Variants in SEMA6D observed in about 807,000 individuals in gnomAD.
SEMA6D encodes semaphorin-6D.
Under a neutral mutation model 106.6 loss-of-function variants are expected in SEMA6D, and 35 were observed. The observed-to-expected ratio is 0.33, with a 90% confidence interval of 0.25 to 0.44. The LOEUF is 0.44. Among genes scored for constraint, SEMA6D ranks in the 20% least tolerant of loss-of-function variants. The probability of loss-of-function intolerance (pLI) is 1.00; values close to 1 mark genes in which losing one functional copy is unlikely to be tolerated. For missense variants in SEMA6D, 1,185 were observed against 1,345.9 expected, an observed-to-expected ratio of 0.88 and a Z score of 1.87; for synonymous variants, 499 against 487.7, an observed-to-expected ratio of 1.02 and a Z score of -0.31.
intron 4 of SEMA6D, among the ~76,000 whole-genome samples, chr15:47,699,737 A>T (rs574536249): frequency 6.6e-6 from 1 of 152,246 alleles, no homozygotes; most frequent in Non-Finnish European, 1.5e-5. Flanking sequence ...CACTTTCCCC[A>T]TGAAGACCAA....
At chr15:47,662,974 G>T (rs1235514743) in intron 4 of SEMA6D, among the ~76,000 whole-genome samples, 12 of 152,200 alleles carry the variant, frequency 7.9e-5, no homozygotes, top group Admixed American at 3.3e-4. Flanking sequence ...TAGCCAGGAG[G>T]AAATAGGCTA....
chr15:47,458,596 C>T (rs1407408928), intron 2 of SEMA6D, among the ~76,000 whole-genome samples: 1 of 151,900 alleles, frequency 6.6e-6, no homozygotes, highest in African/African-American at 2.4e-5. Context: ...TGAAATAACA[C>T]ACTTCTAATT....
At chr15:47,187,980 G>A (rs2140910812) in intron 1 of SEMA6D, among the ~76,000 whole-genome samples, 1 of 152,222 alleles carries the variant, frequency 6.6e-6, no homozygotes, top group Non-Finnish European at 1.5e-5. Context: ...GGTAAATCAG[G>A]CACTAACTTC....
chr15:47,597,166 A>C (rs561307147), intron 3 of SEMA6D, among the ~76,000 whole-genome samples: 2 of 152,210 alleles, frequency 1.3e-5, no homozygotes, highest in African/African-American at 4.8e-5. Flanking sequence ...AAATGATGAG[A>C]TATTACTTCC....
At chr15:47,692,746 A>G (rs1489128771) in intron 4 of SEMA6D, among the ~76,000 whole-genome samples, 2 of 152,146 alleles carry the variant, frequency 1.3e-5, no homozygotes, top group African/African-American at 4.8e-5. Flanking sequence ...AACAGGTGCC[A>G]GTGACCTTCT....
chr15:47,533,018 A>G (rs2045028012), intron 3 of SEMA6D, among the ~76,000 whole-genome samples: 1 of 152,204 alleles, frequency 6.6e-6, no homozygotes, highest in African/African-American at 2.4e-5. Flanking sequence ...CCCATCTTCC[A>G]TGGCACATTC....
rs183958412 is a variant in SEMA6D, at chr15:47,769,866, C to T, written c.1934-631C>T. 6.5e-4 allele frequency among the ~76,000 whole-genome samples: 98 copies of T among 151,836 alleles called. 1 individual carries two copies. Among genetic ancestry groups the T allele is most frequent in the Non-Finnish European group, 8.8e-4 (60 of 67,938 alleles). On this transcript the variant is annotated intron_variant, in intron 18 of 18. Transcript: ENST00000536845. ...CTAATACATAGTATGTTTCCTTAGA[C>T]TGTCTGGGTTTCTTACATAGTCGGT...
intron 3 of SEMA6D, among the ~76,000 whole-genome samples, chr15:47,479,177 C>T (rs2141273495): frequency 6.6e-6 from 1 of 152,274 alleles, no homozygotes; most frequent in Non-Finnish European, 1.5e-5. Flanking sequence ...ACAGTTACTT[C>T]ATACATATAT....
intron 1 of SEMA6D, among the ~76,000 whole-genome samples, chr15:47,725,035 A>G (rs2079649819): frequency 6.6e-6 from 1 of 152,194 alleles, no homozygotes; most frequent in African/African-American, 2.4e-5. Flanking sequence ...TTTTTCTTAA[A>G]CTTGAAAAGG....
intron 13 of SEMA6D, 130 bp from the exon 14 acceptor site, chr15:47,765,739 C>T: frequency 1.2e-6 from 1 of 823,828 alleles, no homozygotes; most frequent in Non-Finnish European, 1.7e-6. Context: ...ATTATTATTT[C>T]CCAAGCTATG....
chr15:47,605,340 C>T (rs948335928), intron 4 of SEMA6D: 1 of 152,176 alleles, frequency 6.6e-6, no homozygotes, highest in Non-Finnish European at 1.5e-5. Context: ...AGATTTCTTC[C>T]ACAATGAGTG....
At chr15:47,360,158 G>A (rs1197160716) in intron 1 of SEMA6D, 2 of 152,200 alleles carry the variant, frequency 1.3e-5, no homozygotes, top group East Asian at 3.9e-4. Flanking sequence ...CATCAGTGAA[G>A]GGATTCTAAA....
intron 3 of SEMA6D, among the ~76,000 whole-genome samples, chr15:47,551,980 G>C (rs187765915): frequency 1.6e-4 from 25 of 152,028 alleles, no homozygotes; most frequent in African/African-American, 5.6e-4. Flanking sequence ...AAAAGTGCAT[G>C]CATTTTGACC....
intron 4 of SEMA6D, among the ~76,000 whole-genome samples, chr15:47,647,697 G>C (rs865908825): frequency 6.7e-6 from 1 of 149,490 alleles, no homozygotes; most frequent in African/African-American, 2.5e-5. Flanking sequence ...TTTACAACAG[G>C]CATGCCCAAT....
At chr15:47,214,491 T>A (rs2030368313) in intron 1 of SEMA6D, among the ~76,000 whole-genome samples, 1 of 152,196 alleles carries the variant, frequency 6.6e-6, no homozygotes, top group Admixed American at 6.5e-5. Flanking sequence ...ATTATTTAAC[T>A]GAGTTCCGTG....
chr15:47,307,853 C>T (rs186688299), intron 1 of SEMA6D, among the ~76,000 whole-genome samples: 4 of 152,260 alleles, frequency 2.6e-5, no homozygotes. Context: ...TTACTTAAAA[C>T]CGTATTCTCA....
intron 1 of SEMA6D, among the ~76,000 whole-genome samples, chr15:47,728,665 G>A (rs554585776): frequency 7.2e-5 from 11 of 152,342 alleles, no homozygotes; most frequent in African/African-American, 2.4e-4. Flanking sequence ...GAGGTCAGAA[G>A]TCTGAAACGG....
intron 2 of SEMA6D, among the ~76,000 whole-genome samples, chr15:47,438,024 G>T (rs2041774603): frequency 6.6e-6 from 1 of 152,092 alleles, no homozygotes; most frequent in Non-Finnish European, 1.5e-5. Context: ...AGATTTGGTT[G>T]TGTGACTGAA....
chr15:47,250,732 C>A (rs967034303), intron 1 of SEMA6D, among the ~76,000 whole-genome samples: 1 of 152,150 alleles, frequency 6.6e-6, no homozygotes, highest in African/African-American at 2.4e-5. Context: ...ATGAGCCACC[C>A]CAGATTGAGA....
Sources: allele counts gnomAD v4.1 joint callset (sites outside exome capture counted in the v4.1 genomes callset), GRCh38; gene constraint gnomAD v4.1.1; transcripts MANE v1.5; gene names NCBI Gene and HGNC (gene_info 2026-07-23, HGNC 2026-07-21).